RAPGEF6: variants seen among roughly 807,000 people sequenced by gnomAD.
RAPGEF6 encodes Rap guanine nucleotide exchange factor 6, also known as PDZ domain containing guanine nucleotide exchange factor (GEF) 2.
RAPGEF6 carries 56 observed loss-of-function variants against 171.4 expected under a neutral mutation model. The observed-to-expected ratio is 0.33, with a 90% CI of 0.26 to 0.41. RAPGEF6 has a LOEUF of 0.41. RAPGEF6 is among the 10% of genes least tolerant of loss of function. The probability of loss-of-function intolerance (pLI) is 1.00; values close to 1 mark genes in which losing one functional copy is unlikely to be tolerated. For synonymous variants in RAPGEF6, 692 were observed against 650.1 expected (o/e 1.06, Z -0.98); for missense variants, 1,674 against 1,921.4 (o/e 0.87, Z 2.41).
chr5:131,514,338 C>A (rs1055023833), intron 7 of RAPGEF6, among the ~76,000 whole-genome samples: 3 of 151,940 alleles, frequency 2.0e-5, no homozygotes, highest in African/African-American at 7.3e-5. Context: ...TGATTATGAC[C>A]ACAGGACAAG....
chr5:131,628,503 A>G lies in RAPGEF6; in HGVS notation c.69+6459T>C, dbSNP rs74543154. Among the ~76,000 whole-genome samples the G allele has an allele frequency of 3.8e-3, 584 of 152,226 alleles. 1 individual carries two copies. The highest frequency in any genetic ancestry group is 0.013 in the African/African-American group (540 of 41,542). On this transcript the variant is annotated intron_variant, in intron 1 of 27. Transcript: ENST00000509018. ...TTCATGAAGTTTACGAAAAAAAGCC[A>G]CCTCCACTAACATAAAAAGTAAGTT...
chr5:131,452,971 TATGATCAATAA>T, intron 21 of RAPGEF6, 72 bp downstream of exon 21: 2 of 1,485,134 alleles, frequency 1.3e-6, no homozygotes, highest in Non-Finnish European at 1.8e-6. Context: ...GTAGAATAAA[TATGATCAATAA>T]ATGATAAATA....
intron 5 of RAPGEF6, among the ~76,000 whole-genome samples, chr5:131,551,934 T>A (rs555752713): frequency 2.6e-5 from 4 of 151,666 alleles, no homozygotes; most frequent in Admixed American, 6.6e-5. Flanking sequence ...ATGTAAGATT[T>A]AAAAAAAATA....
chr5:131,605,806 G>A (rs1034999136), intron 1 of RAPGEF6, among the ~76,000 whole-genome samples: 2 of 151,856 alleles, frequency 1.3e-5, no homozygotes, highest in East Asian at 1.9e-4. Flanking sequence ...CGAGGCGGGC[G>A]GAACATGAGG....
chr5:131,622,560 C>T (rs1765654200), intron 1 of RAPGEF6, among the ~76,000 whole-genome samples: 1 of 152,328 alleles, frequency 6.6e-6, no homozygotes, highest in East Asian at 1.9e-4. Context: ...ATGCCTCAAA[C>T]ATGTGTTGCT....
rs764014531 is a variant in RAPGEF6 at position 131,464,377 on chromosome 5, C to T, written c.2240-96G>A. 3.9e-5 allele frequency: 33 copies of T among 843,850 alleles called. No homozygotes were observed. In the South Asian group the frequency reaches 4.3e-4, roughly 11 times the overall value. 52.3% of individuals were successfully genotyped at this position (843,850 alleles called of 1,614,324 possible). A position where few individuals can be genotyped will look rare whatever the true frequency, so the allele number is the denominator to read the frequency against. ...TGAAACACAGTGATCCCTCTGAACA[C>T]TGAAATATACATTTCTATTTCACAA... On this transcript the variant is annotated intron_variant, in intron 17 of 27. Coordinates refer to ENST00000509018, the MANE Select transcript of RAPGEF6 (RefSeq NM_016340.6).
At chr5:131,456,049 T>C (rs904832970) in intron 19 of RAPGEF6, 37 bp from the exon 20 acceptor site, 10 of 1,565,052 alleles carry the variant, frequency 6.4e-6, no homozygotes, top group Non-Finnish European at 5.3e-6. Flanking sequence ...AAAAAGAAAC[T>C]TGGGGAAAGG....
intron 13 of RAPGEF6, 107 bp downstream of exon 13, chr5:131,495,445 TG>T: frequency 1.3e-6 from 1 of 755,832 alleles, no homozygotes; most frequent in Non-Finnish European, 2.1e-6. Context: ...GTTCTAAGAA[TG>T]GACATTTAAG....
At chr5:131,492,501 C>T (rs1429016346) in intron 14 of RAPGEF6, 81 bp downstream of exon 14, 23 of 1,394,756 alleles carry the variant, frequency 1.6e-5, no homozygotes, top group Non-Finnish European at 2.1e-5. Context: ...ACTGATCATG[C>T]TTTCTGGAAG....
intron 14 of RAPGEF6, among the ~76,000 whole-genome samples, chr5:131,490,060 G>A (rs1447754156): frequency 2.0e-5 from 3 of 151,984 alleles, no homozygotes; most frequent in Non-Finnish European, 4.4e-5. Context: ...TCTTTTAAAG[G>A]GAGTACTCTA....
chr5:131,562,133 A>C, intron 4 of RAPGEF6, 86 bp from the exon 5 acceptor site: 1 of 896,518 alleles, frequency 1.1e-6, no homozygotes, highest in South Asian at 1.6e-5. Context: ...AAACAACAAA[A>C]AAGCCCTGAG....
At chr5:131,511,585 C>T (rs1481833680) in intron 7 of RAPGEF6, among the ~76,000 whole-genome samples, 3 of 150,510 alleles carry the variant, frequency 2.0e-5, no homozygotes, top group Non-Finnish European at 4.4e-5. Context: ...CAACCTTGTC[C>T]TCCTGGACTC....
chr5:131,440,299 G>A (rs571097570), intron 23 of RAPGEF6: 8 of 452,456 alleles, frequency 1.8e-5, no homozygotes, highest in South Asian at 4.7e-5. Flanking sequence ...ACAGTGGAAC[G>A]ATTCCTTACA....
chr5:131,530,912 T>A (rs1392560093), intron 6 of RAPGEF6, among the ~76,000 whole-genome samples: 1 of 152,214 alleles, frequency 6.6e-6, no homozygotes, highest in Admixed American at 6.5e-5. Context: ...TGTAGTATAG[T>A]GCAGCTATCA....
intron 8 of RAPGEF6, among the ~76,000 whole-genome samples, chr5:131,509,573 T>A (rs530453975): frequency 4.9e-4 from 75 of 151,770 alleles, no homozygotes; most frequent in African/African-American, 1.7e-3. Flanking sequence ...ACACAAAACA[T>A]ACATATATTT....
intron 4 of RAPGEF6, among the ~76,000 whole-genome samples, chr5:131,569,967 G>A (rs1334605287): frequency 3.3e-5 from 5 of 149,812 alleles, no homozygotes; most frequent in Middle Eastern, 3.5e-3. Flanking sequence ...GCTTGACCCC[G>A]GGAGGCAGAG....
chr5:131,427,415 C>G, intron 27 of RAPGEF6, 124 bp from the exon 28 acceptor site: 1 of 759,520 alleles, frequency 1.3e-6, no homozygotes, highest in Non-Finnish European at 2.1e-6. Flanking sequence ...CATCGAGGCC[C>G]AGATTTTATT....
chr5:131,478,613 T>C (rs1755264425), intron 16 of RAPGEF6, among the ~76,000 whole-genome samples: 1 of 152,232 alleles, frequency 6.6e-6, no homozygotes, highest in Non-Finnish European at 1.5e-5. Context: ...CTTTGCAATT[T>C]GCTTAGATTA....
At chr5:131,462,990 G>C (rs377429164) in intron 18 of RAPGEF6, among the ~76,000 whole-genome samples, 1 of 152,082 alleles carries the variant, frequency 6.6e-6, no homozygotes, top group South Asian at 2.1e-4. Context: ...GGTATACTTA[G>C]TAACTCATTT....
Sources: allele counts gnomAD v4.1 joint callset (sites outside exome capture counted in the v4.1 genomes callset), GRCh38; gene constraint gnomAD v4.1.1; transcripts MANE v1.5; gene names NCBI Gene and HGNC (gene_info 2026-07-23, HGNC 2026-07-21).